The following ADGRL2 variants were observed in gnomAD, a reference collection of about 807,000 sequenced individuals.
The protein encoded by ADGRL2 is adhesion G protein-coupled receptor L2, also known as calcium-independent alpha-latrotoxin receptor 2.
ADGRL2 carries 44 observed loss-of-function variants against 157.4 expected under a neutral mutation model. The ratio of observed to expected loss-of-function variants is 0.28; its 90% confidence interval spans 0.22 to 0.36. The LOEUF (loss-of-function observed/expected upper bound fraction) is 0.36, where lower values mean the gene tolerates loss of function less well. Among genes scored for constraint, ADGRL2 ranks in the 10% least tolerant of loss-of-function variants. The pLI is 1.00. For synonymous variants in ADGRL2, 585 were observed against 624.7 expected, an observed-to-expected ratio of 0.94 and a Z score of 0.95; for missense variants, 1,510 against 1,768.9, an observed-to-expected ratio of 0.85 and a Z score of 2.63.
In ADGRL2 at chr1:81,836,913, G is replaced by T. The variant is rs1571555594; in HGVS notation, c.-72G>T. On this transcript the variant is annotated 5_prime_UTR_variant, in exon 2 of 24. Transcript: ENST00000686636. ...TGAAGATCAATGATGCAGACTGATG[G>T]TTTTGATGAAGCTGGGCATTTATAA... is the stretch of plus-strand genomic sequence containing the variant. 1.2e-6 allele frequency: 1 copy of T among 842,124 alleles called. No homozygotes were observed. Among genetic ancestry groups the T allele is most frequent in the South Asian group, 1.6e-5 (1 of 63,792 alleles). 52.2% of individuals were successfully genotyped at this position (842,124 alleles called of 1,614,324 possible).
intron 2 of ADGRL2, among the ~76,000 whole-genome samples, chr1:81,853,311 C>A (rs892497364): frequency 6.6e-6 from 1 of 152,234 alleles, no homozygotes; most frequent in African/African-American, 2.4e-5. Flanking sequence ...TAGTAAACAG[C>A]TTGCCTGGGT....
At chr1:81,682,935 C>T (rs1297680090) in intron 3 of ADGRL2, among the ~76,000 whole-genome samples, 1 of 152,134 alleles carries the variant, frequency 6.6e-6, no homozygotes, top group Non-Finnish European at 1.5e-5. Flanking sequence ...TGCTCGAGAC[C>T]AGCCTGGCCA....
At chr1:81,312,400 G>A (rs758332912) in intron 1 of ADGRL2, among the ~76,000 whole-genome samples, 4 of 152,202 alleles carry the variant, frequency 2.6e-5, no homozygotes, top group Non-Finnish European at 5.9e-5. Context: ...GTGGACCTCA[G>A]GAGGCAGTGC....
chr1:81,872,139 C>T (rs1172367061), intron 2 of ADGRL2, among the ~76,000 whole-genome samples: 1 of 152,130 alleles, frequency 6.6e-6, no homozygotes, highest in African/African-American at 2.4e-5. Flanking sequence ...CCAGTTTCAG[C>T]TTTCTACATA....
chr1:81,829,787 T>C (rs1431115982), intron 1 of ADGRL2, among the ~76,000 whole-genome samples: 4 of 152,198 alleles, frequency 2.6e-5, no homozygotes, highest in Admixed American at 6.5e-5. Flanking sequence ...AAATTTATCA[T>C]TGGGAAAATT....
At chr1:81,501,697 A>T (rs2078851946) in intron 2 of ADGRL2, 1 of 1,592,260 alleles carries the variant, frequency 6.3e-7, no homozygotes, top group Non-Finnish European at 8.6e-7. Context: ...GCACAGGTTT[A>T]GACCCAGTGT....
Position 81,981,957 on chromosome 1 carries a change from A to G in ADGRL2, c.3263A>G (p.His1088Arg), listed in dbSNP as rs1661789322. The G allele has an allele frequency of 1.2e-6, 2 of 1,611,548 alleles. No homozygotes were observed. Among genetic ancestry groups the G allele is most frequent in the Admixed American group, 3.3e-5 (2 of 59,746 alleles). Residue 1088 changes from histidine to arginine, a missense_variant, in exon 19 of 24, where the codon CAC (histidine) becomes CGC (arginine). Physicochemically the swap from His to Arg is conservative, Grantham distance 29. Around this residue, in one of 4 missense-constraint regions of ADGRL2, gnomAD observed 497 missense variants for 627.2 expected, o/e 0.79. Transcript: ENST00000686636. ...CAGGGAGTGTTCATTTTCATCTTTC[A>G]CTGTGCTCTCCAAAAGAAAGTAAGT... ...AFQGVFIFIF[H>R]CALQKKVRKE... is the part of the protein sequence containing the mutation.
chr1:81,766,449 T>C (rs2086121973), intron 2 of ADGRL2, among the ~76,000 whole-genome samples: 1 of 152,188 alleles, frequency 6.6e-6, no homozygotes, highest in Non-Finnish European at 1.5e-5. Flanking sequence ...TATTGAATTG[T>C]ATTACATAGT....
At chr1:81,486,225 G>A (rs1204256913) in intron 2 of ADGRL2, among the ~76,000 whole-genome samples, 1 of 152,038 alleles carries the variant, frequency 6.6e-6, no homozygotes, top group Non-Finnish European at 1.5e-5. Context: ...TTTCTCTCTG[G>A]TCTTTGCTGT....
intron 1 of ADGRL2, among the ~76,000 whole-genome samples, chr1:81,378,457 G>A (rs1302633811): frequency 1.3e-5 from 2 of 151,660 alleles, no homozygotes; most frequent in African/African-American, 4.8e-5. Context: ...GCTACTTGGA[G>A]GCTGAGATGG....
intron 1 of ADGRL2, among the ~76,000 whole-genome samples, chr1:81,821,146 A>G (rs12240254): frequency 0.14 from 21,138 of 152,148 alleles, 1,673 homozygotes; most frequent in East Asian, 0.2. Context: ...TTAACTAGTT[A>G]AGGAAACTAA....
At chr1:81,859,652 C>T (rs922468374) in intron 2 of ADGRL2, among the ~76,000 whole-genome samples, 13 of 152,062 alleles carry the variant, frequency 8.5e-5, no homozygotes, top group African/African-American at 3.1e-4. Flanking sequence ...AAGCAATCCA[C>T]CCACCTTGGC....
chr1:81,984,458 T>C (rs988283086), intron 19 of ADGRL2, 125 bp from the exon 20 acceptor site: 1 of 1,044,958 alleles, frequency 9.6e-7, no homozygotes, highest in Admixed American at 2.6e-5. Context: ...TTCAATTTAT[T>C]TTCTCCACGG....
At chr1:81,779,438 G>A (rs2086725067) in intron 2 of ADGRL2, among the ~76,000 whole-genome samples, 1 of 152,206 alleles carries the variant, frequency 6.6e-6, no homozygotes, top group African/African-American at 2.4e-5. Context: ...TAAAAAAAAT[G>A]AGTCCATTCC....
intron 2 of ADGRL2, among the ~76,000 whole-genome samples, chr1:81,905,506 G>A (rs567618883): frequency 6.6e-6 from 1 of 152,146 alleles, no homozygotes; most frequent in Non-Finnish European, 1.5e-5. Context: ...GGTTTCAAAA[G>A]CAGAGGAAAA....
chr1:81,940,363 A>G (rs1033132319), intron 4 of ADGRL2, among the ~76,000 whole-genome samples: 3 of 151,626 alleles, frequency 2.0e-5, no homozygotes, highest in African/African-American at 7.2e-5. Context: ...CTAAGCAGGT[A>G]TAATATTGCT....
intron 1 of ADGRL2, chr1:81,722,720 C>A: frequency 2.1e-6 from 2 of 944,660 alleles, no homozygotes; most frequent in East Asian, 2.4e-5. Context: ...ACGTGAAGAG[C>A]GAGAGATCAA....
chr1:81,392,443 T>C (rs533455252), intron 1 of ADGRL2, among the ~76,000 whole-genome samples: 1 of 152,226 alleles, frequency 6.6e-6, no homozygotes, highest in Admixed American at 6.5e-5. Flanking sequence ...AAAATTATGC[T>C]GGAGGAACAT....
intron 1 of ADGRL2, among the ~76,000 whole-genome samples, chr1:81,713,055 G>T (rs946358526): frequency 1.3e-5 from 2 of 152,024 alleles, no homozygotes; most frequent in African/African-American, 4.8e-5. Context: ...ACCATGCCCG[G>T]CTTGAGAGTG....
Sources: allele counts gnomAD v4.1 joint callset (sites outside exome capture counted in the v4.1 genomes callset), GRCh38; gene constraint gnomAD v4.1.1; regional missense constraint gnomAD v4.1.1; transcripts MANE v1.5; gene names NCBI Gene and HGNC (gene_info 2026-07-23, HGNC 2026-07-21).